Variants in MYRFL observed in about 807,000 individuals in gnomAD.
MYRFL encodes myelin regulatory factor-like protein.
A neutral mutation model predicts 109.4 loss-of-function variants in MYRFL; 88 were observed. The observed-to-expected ratio is 0.80, with a 90% CI of 0.68 to 0.96. The LOEUF is 0.96. MYRFL is among the 40% of genes least tolerant of loss of function. MYRFL has a pLI of 0.00. For synonymous variants in MYRFL, 324 were observed against 320.9 expected (o/e 1.01, Z -0.10); for missense variants, 957 against 954.9 (o/e 1.00, Z -0.03).
intron 2 of MYRFL, among the ~76,000 whole-genome samples, chr12:69,875,513 A>G (rs77029345): frequency 0.044 from 6,744 of 152,244 alleles, 158 homozygotes; most frequent in South Asian, 0.075. Context: ...AAGCTAGGCC[A>G]CATTTTTCTG....
chr12:69,914,033 A>G (rs1228064473), intron 13 of MYRFL, among the ~76,000 whole-genome samples: 1 of 152,194 alleles, frequency 6.6e-6, no homozygotes, highest in Non-Finnish European at 1.5e-5. Flanking sequence ...TAGTTAATTC[A>G]CAAGAGTCTT....
At chr12:69,886,594 G>C (rs1886465795) in intron 5 of MYRFL, among the ~76,000 whole-genome samples, 1 of 152,132 alleles carries the variant, frequency 6.6e-6, no homozygotes, top group Admixed American at 6.6e-5. Flanking sequence ...CAGGGACAAA[G>C]TTTCCAACAG....
intron 10 of MYRFL, among the ~76,000 whole-genome samples, chr12:69,901,903 A>ATTTTTTTTT (rs1203678206): frequency 1.5e-5 from 2 of 137,578 alleles, no homozygotes; most frequent in Non-Finnish European, 1.6e-5. Flanking sequence ...GTTTTTTTTA[A>ATTTTTTTTT]ATTTTCTTGA....
At position 69,958,277 on chromosome 12, in the gene MYRFL, T is replaced by C. The variant is rs1270877505; in HGVS notation, c.2600T>C (p.Val867Ala). Residue 867 changes from valine (V) to alanine (A), a missense_variant, in exon 24 of 25, where the codon GTA (valine) becomes GCA (alanine). Transcript: ENST00000552032. ...TATCAGCACATTTGGAGCCTCCCTG[T>C]AGCCCCATTTTCTGACAGCATGTTC... Reference protein sequence around the residue: ...QGYQHIWSLPVAPFSDSMFHF... With the variant: ...QGYQHIWSLPAAPFSDSMFHF... The C allele has an allele frequency of 6.5e-7, 1 of 1,536,568 alleles. No homozygotes were observed. The highest frequency in any genetic ancestry group is 8.7e-7 in the Non-Finnish European group (1 of 1,146,970).
At chr12:69,902,127 C>T (rs374782890) in intron 10 of MYRFL, among the ~76,000 whole-genome samples, 6 of 152,068 alleles carry the variant, frequency 3.9e-5, no homozygotes, top group African/African-American at 1.4e-4. Flanking sequence ...CTCCTGACCT[C>T]AGGTGATCCA....
intron 19 of MYRFL, among the ~76,000 whole-genome samples, chr12:69,944,679 T>C (rs1283529569): frequency 6.6e-6 from 1 of 150,656 alleles, no homozygotes. Context: ...AAACTTAAAG[T>C]ATAATAATAA....
At chr12:69,932,747 A>G (rs1051590318) in intron 16 of MYRFL, 149 bp downstream of exon 16, 4 of 608,836 alleles carry the variant, frequency 6.6e-6, no homozygotes, top group Non-Finnish European at 1.1e-5. Flanking sequence ...CATAGAAATG[A>G]GGGAACCTTT....
chr12:69,901,668 A>T (rs1013387991), intron 10 of MYRFL, among the ~76,000 whole-genome samples: 1 of 152,172 alleles, frequency 6.6e-6, no homozygotes, highest in Non-Finnish European at 1.5e-5. Context: ...ATACATCACC[A>T]TCTTATATGG....
intron 1 of MYRFL, among the ~76,000 whole-genome samples, chr12:69,850,560 C>A (rs1883820249): frequency 6.6e-6 from 1 of 151,862 alleles, no homozygotes; most frequent in Admixed American, 6.6e-5. Context: ...TTTTTTTAAC[C>A]AAATGGTACA....
At chr12:69,945,027 TTAAAA>T (rs1348147769) in intron 19 of MYRFL, among the ~76,000 whole-genome samples, 15 of 152,048 alleles carry the variant, frequency 9.9e-5, no homozygotes, top group East Asian at 3.9e-4. Context: ...TGAAAAAAAA[TTAAAA>T]TAAAGATATA....
intron 2 of MYRFL, among the ~76,000 whole-genome samples, chr12:69,871,957 T>G (rs1885380013): frequency 6.6e-6 from 1 of 152,220 alleles, no homozygotes. Context: ...TTCTCCCCAT[T>G]GTGTTCTATC....
intron 19 of MYRFL, among the ~76,000 whole-genome samples, chr12:69,942,408 C>T (rs1297100022): frequency 3.4e-5 from 5 of 147,242 alleles, no homozygotes; most frequent in East Asian, 2.0e-4. Context: ...TGTAATCCAG[C>T]ATATAAACAG....
At chr12:69,880,953 T>TTTTTTTTTTTTTG (rs1436133101) in intron 5 of MYRFL, among the ~76,000 whole-genome samples, 2 of 123,126 alleles carry the variant, frequency 1.6e-5, no homozygotes, top group Non-Finnish European at 3.2e-5. Context: ...GCCTTCCTGT[T>TTTTTTTTTTTTTG]TTTTTTTTTT....
At position 69,903,682 on chromosome 12, in the gene MYRFL, AT is replaced by A; in HGVS notation, c.1223del (p.Leu408CysfsTer17). Reference sequence around the variant, plus strand: ...GGCAGTTTGAAAATGACAGTGATGCATTGTGGCAGCGAGGACAAGTTCCAGA... The same window carrying A: ...GGCAGTTTGAAAATGACAGTGATGCATGTGGCAGCGAGGACAAGTTCCAGA... The part of the protein sequence containing the change: ...PGQFENDSDA[L>X]WQRGQVPESI... On this transcript the variant is annotated frameshift_variant, in exon 11 of 25. Transcript: ENST00000552032. LOFTEE classifies it high-confidence loss of function. 9 of 1,535,890 alleles carry A rather than the reference AT, an allele frequency of 5.9e-6. No individual in the cohort carries two copies. In the Middle Eastern group the frequency reaches 1.5e-3, roughly 257 times the overall value.
intron 1 of MYRFL, among the ~76,000 whole-genome samples, chr12:69,853,946 G>C (rs1392398160): frequency 6.6e-6 from 1 of 152,198 alleles, no homozygotes; most frequent in Admixed American, 6.5e-5. Flanking sequence ...AGACGGGGTG[G>C]CGGCCGGGCA....
chr12:69,853,833 G>T (rs1264578809), intron 1 of MYRFL, among the ~76,000 whole-genome samples: 3 of 151,604 alleles, frequency 2.0e-5, no homozygotes, highest in Non-Finnish European at 4.4e-5. Context: ...CGGGATCGCG[G>T]CCGGGAAGAG....
intron 13 of MYRFL, among the ~76,000 whole-genome samples, chr12:69,911,416 T>A (rs1294915914): frequency 6.6e-6 from 1 of 152,242 alleles, no homozygotes; most frequent in Non-Finnish European, 1.5e-5. Flanking sequence ...TGAGCATAGT[T>A]TTTTTGATGA....
intron 2 of MYRFL, among the ~76,000 whole-genome samples, chr12:69,863,748 T>C (rs1239064990): frequency 1.3e-5 from 2 of 152,228 alleles, no homozygotes; most frequent in Admixed American, 1.3e-4. Flanking sequence ...GTTGGTCTTC[T>C]TCATTTGGGA....
chr12:69,932,806 A>G (rs1955309482), intron 16 of MYRFL, among the ~76,000 whole-genome samples: 1 of 151,914 alleles, frequency 6.6e-6, no homozygotes, highest in Admixed American at 6.6e-5. Flanking sequence ...TCTGCCTTAA[A>G]TGTGACATGA....
Sources: gnomAD v4.1 joint callset for allele counts (sites outside exome capture counted in the v4.1 genomes callset) on GRCh38, gnomAD v4.1.1 for gene constraint, MANE v1.5 for transcripts, NCBI Gene and HGNC (gene_info 2026-07-23, HGNC 2026-07-21) for gene names.